The following CST8 variants were observed in gnomAD, a reference collection of about 807,000 sequenced individuals.
CST8 encodes the protein cystatin-8.
A neutral mutation model predicts 11.8 loss-of-function variants in CST8; 20 were observed. The observed-to-expected ratio is 1.70, with a 90% CI of 1.20 to 2.47. The LOEUF is 2.47. Among genes scored for constraint, CST8 ranks in the 30% most tolerant of loss-of-function variants. The pLI is 0.00. For synonymous variants in CST8, 77 were observed against 63.1 expected (o/e 1.22, Z -1.05); for missense variants, 196 against 167.2 (o/e 1.17, Z -0.95).
At chr20:23,496,697 C>T (rs1016993313), downstream of CST8, among the ~76,000 whole-genome samples, 370 of 152,274 alleles carry the variant, frequency 2.4e-3, 10 homozygotes, top group Non-Finnish European at 3.5e-4. Flanking sequence ...GAAACTGGGG[C>T]TTATTTCATC....
intron 2 of CST8, among the ~76,000 whole-genome samples, 190 bp downstream of exon 2, chr20:23,492,088 C>T (rs1272934807): frequency 2.6e-5 from 4 of 152,210 alleles, no homozygotes; most frequent in Non-Finnish European, 5.9e-5. Context: ...CAAACGCTTG[C>T]GCTTTTGTTC....
chr20:23,497,297 G>A (rs937101072), downstream of CST8, among the ~76,000 whole-genome samples: 10 of 152,128 alleles, frequency 6.6e-5, no homozygotes, highest in Non-Finnish European at 1.5e-4. Context: ...CGGGGTTCCT[G>A]ACTTCCTGCA....
At chr20:23,502,481 G>C in the CST8 span, among the ~76,000 whole-genome samples, 1 of 152,112 alleles carries the variant, frequency 6.6e-6, no homozygotes. Flanking sequence ...ATAGAGTGCC[G>C]CACGGCCCCC....
chr20:23,495,174 G>A (rs1988005612), intron 3 of CST8, among the ~76,000 whole-genome samples: 1 of 152,130 alleles, frequency 6.6e-6, no homozygotes, highest in African/African-American at 2.4e-5. Context: ...GAATTCCATG[G>A]TGTACATGTA....
At chr20:23,500,005 GGAGA>G (rs141161423), downstream of CST8, among the ~76,000 whole-genome samples, 1 of 151,112 alleles carries the variant, frequency 6.6e-6, no homozygotes, top group African/African-American at 2.4e-5. Context: ...AGGGTAGGAG[GGAGA>G]GAGAGAGAGA....
rs760778456 is a variant in CST8 at position 23,491,274 on chromosome 20, G to T, written c.-212G>T. On this transcript the variant is annotated 5_prime_UTR_variant, in exon 1 of 4. Transcript: ENST00000246012. ...GGGCTGAGGCCACAAGGCCTCTGGGGCAGCCACAGTTTTCATGATCACATC... is the reference window on the plus strand; with the variant it reads ...GGGCTGAGGCCACAAGGCCTCTGGGTCAGCCACAGTTTTCATGATCACATC... 28 of 187,294 alleles carry T rather than the reference G, an allele frequency of 1.5e-4. No individual in the cohort carries two copies. Among genetic ancestry groups the T allele is most frequent in the Non-Finnish European group, 3.0e-4 (27 of 90,092 alleles). 11.6% of individuals were successfully genotyped at this position (187,294 alleles called of 1,614,324 possible). A position where few individuals can be genotyped will look rare whatever the true frequency, so the allele number is the denominator to read the frequency against.
At chr20:23,502,762 C>A in the CST8 span, among the ~76,000 whole-genome samples, 2 of 152,298 alleles carry the variant, frequency 1.3e-5, no homozygotes. Flanking sequence ...TGGAACTTCT[C>A]TAGGGGACTG....
the CST8 span, among the ~76,000 whole-genome samples, chr20:23,501,669 G>A: frequency 6.6e-6 from 1 of 152,224 alleles, no homozygotes; most frequent in Admixed American, 6.5e-5. Context: ...GCGACACTGC[G>A]AATGTACTAT....
At chr20:23,492,887 T>G (rs2122188703) in intron 2 of CST8, 71 bp from the exon 3 acceptor site, 1 of 849,904 alleles carries the variant, frequency 1.2e-6, no homozygotes, top group East Asian at 2.5e-5. Context: ...TAAGAGTAAT[T>G]TTTTTTTTTT....
chr20:23,506,530 C>T, the CST8 span, among the ~76,000 whole-genome samples: 1 of 152,154 alleles, frequency 6.6e-6, no homozygotes, highest in East Asian at 1.9e-4. Context: ...GACACCTCCT[C>T]CTTTTGTCTA....
At chr20:23,505,139 C>CTTTT in the CST8 span, among the ~76,000 whole-genome samples, 99 of 81,980 alleles carry the variant, frequency 1.2e-3, no homozygotes, top group African/African-American at 1.7e-3. Context: ...AAGAAGCATT[C>CTTTT]TTTTTTTTTT....
At chr20:23,502,357 T>C in the CST8 span, among the ~76,000 whole-genome samples, 17 of 152,192 alleles carry the variant, frequency 1.1e-4, no homozygotes, top group South Asian at 4.1e-4. Flanking sequence ...TGAGACAAAG[T>C]AGCAATGGTG....
chr20:23,506,527 C>T, the CST8 span, among the ~76,000 whole-genome samples: 1 of 152,174 alleles, frequency 6.6e-6, no homozygotes, highest in Admixed American at 6.5e-5. Flanking sequence ...CAAGACACCT[C>T]CTCCTTTTGT....
downstream of CST8, among the ~76,000 whole-genome samples, chr20:23,496,587 A>G (rs563730196): frequency 6.6e-6 from 1 of 152,338 alleles, no homozygotes; most frequent in South Asian, 2.1e-4. Flanking sequence ...GTCATTGATA[A>G]CATCTTATCA....
chr20:23,502,042 AGACTCAGT>A, the CST8 span, among the ~76,000 whole-genome samples: 1 of 152,198 alleles, frequency 6.6e-6, no homozygotes, highest in Admixed American at 6.5e-5. Context: ...TGACAGTTCA[AGACTCAGT>A]GACTGAGCCC....
Position 23,495,905 on chromosome 20 carries a change from A to G in CST8, c.420A>G (p.Glu140=), listed in dbSNP as rs984559285. 1.2e-6 allele frequency: 2 copies of G among 1,609,910 alleles called. No individual in the cohort carries two copies. The highest frequency in any genetic ancestry group is 1.7e-6 in the Non-Finnish European group (2 of 1,178,530). ...TCACTGTGATGGAGAAAAAGTGTGA[A>G]GATGCTTAATGGTGTTTTGAGGCAT... ...GEFTVMEKKC[E]DA is the part of the protein sequence containing the mutation. The change falls in exon 4 of 4, where the codon GAA becomes GAG. Residue 140 remains glutamate, a synonymous_variant. Transcript: ENST00000246012.
chr20:23,495,002 T>A (rs755381265), intron 3 of CST8, among the ~76,000 whole-genome samples: 12 of 152,158 alleles, frequency 7.9e-5, no homozygotes, highest in Non-Finnish European at 1.8e-4. Flanking sequence ...TGTCTGTTGT[T>A]CCCTCTTTGT....
downstream of CST8, among the ~76,000 whole-genome samples, chr20:23,498,732 A>G (rs1028056983): frequency 8.5e-5 from 13 of 152,150 alleles, 1 homozygote; most frequent in Admixed American, 4.6e-4. Flanking sequence ...TCAAATCCCC[A>G]ACTAACAAAG....
At chr20:23,499,051 G>A (rs1306872705), downstream of CST8, among the ~76,000 whole-genome samples, 2 of 152,170 alleles carry the variant, frequency 1.3e-5, no homozygotes, top group African/African-American at 4.8e-5. Flanking sequence ...TTTCCTGATA[G>A]ATAGGTGAGA....
Sources: allele counts gnomAD v4.1 joint callset (sites outside exome capture counted in the v4.1 genomes callset), GRCh38; gene constraint gnomAD v4.1.1; transcripts MANE v1.5; gene names NCBI Gene and HGNC (gene_info 2026-07-23, HGNC 2026-07-21).